Variants in ARID3B observed in about 807,000 individuals in gnomAD.
ARID3B encodes AT-rich interactive domain-containing protein 3B.
Under a neutral mutation model 51.9 loss-of-function variants are expected in ARID3B, and 10 were observed. That is an observed-to-expected ratio of 0.19 (90% CI 0.12 to 0.33). The LOEUF is 0.33. Ranked by LOEUF, ARID3B falls within the 10% of genes least tolerant of loss-of-function variation. The pLI is 1.00. For synonymous variants in ARID3B, 205 were observed against 279.5 expected, an observed-to-expected ratio of 0.73 and a Z score of 2.66; for missense variants, 483 against 716.3, an observed-to-expected ratio of 0.67 and a Z score of 3.72.
chr15:74,549,999 A>G (rs558302151), intron 2 of ARID3B, among the ~76,000 whole-genome samples: 139 of 152,402 alleles, frequency 9.1e-4, no homozygotes, highest in East Asian at 4.2e-3. Flanking sequence ...CAGAAAGAAC[A>G]TAAGCTTCGC....
At chr15:74,551,825 A>G (rs935395623) in intron 2 of ARID3B, among the ~76,000 whole-genome samples, 4 of 151,736 alleles carry the variant, frequency 2.6e-5, no homozygotes, top group African/African-American at 9.7e-5. Flanking sequence ...TTTACTCTTT[A>G]TTTCCATTTG....
chr15:74,589,265 G>A (rs546342424), intron 4 of ARID3B, among the ~76,000 whole-genome samples: 2 of 151,910 alleles, frequency 1.3e-5, no homozygotes, highest in South Asian at 2.1e-4. Flanking sequence ...TCCTGACCTC[G>A]TGATCTGCCC....
chr15:74,564,609 T>C (rs1408265678), intron 2 of ARID3B, among the ~76,000 whole-genome samples: 1 of 152,152 alleles, frequency 6.6e-6, no homozygotes, highest in African/African-American at 2.4e-5. Context: ...TTCTTTTTCT[T>C]TTTCTTTTTG....
At chr15:74,556,781 T>G (rs1431948016) in intron 2 of ARID3B, among the ~76,000 whole-genome samples, 16 of 146,352 alleles carry the variant, frequency 1.1e-4, no homozygotes, top group Middle Eastern at 3.4e-3. Flanking sequence ...TTTTTGTTTT[T>G]TTTTTTTTTT....
chr15:74,590,012 C>T lies in ARID3B; in HGVS notation c.881+9C>T. 6.2e-7 allele frequency: 1 copy of T among 1,600,962 alleles called. No homozygotes were observed. Among genetic ancestry groups the T allele is most frequent in the Non-Finnish European group, 8.5e-7 (1 of 1,171,894 alleles). ...TTCACCCTCAGGACGCAGTGAGTGG[C>T]CAGGGCCTGGGAGAAGGAAGCTGAG... On this transcript the variant is annotated intron_variant, in intron 5 of 8. Transcript: ENST00000346246.
Position 74,591,489 on chromosome 15 carries a change from C to T in ARID3B, c.1165+55C>T, listed in dbSNP as rs916407496. ...AAAGGGAGGAAGGGATGCCAGTTCCCTGTGTTCAAGACTGGGGTTTTGGGG... is the reference window on the plus strand; with the variant it reads ...AAAGGGAGGAAGGGATGCCAGTTCCTTGTGTTCAAGACTGGGGTTTTGGGG... On this transcript the variant is annotated intron_variant, in intron 6 of 8. Coordinates refer to ENST00000346246, the MANE Select transcript of ARID3B (RefSeq NM_006465.4). The surrounding 1 kb of genome is among the most constrained non-coding windows in gnomAD (Gnocchi z 5.8). 99 of 1,592,406 alleles carry T rather than the reference C, an allele frequency of 6.2e-5. No individual in the cohort carries two copies. The highest frequency in any genetic ancestry group is 8.5e-5 in the Admixed American group (5 of 58,994).
chr15:74,552,056 CTTTTTTTTTTTTT>C (rs869096001), intron 2 of ARID3B, among the ~76,000 whole-genome samples: 1 of 102,630 alleles, frequency 9.7e-6, no homozygotes, highest in African/African-American at 4.1e-5. Context: ...TCTTTCTTTC[CTTTTTTTTTTTTT>C]TTTTTTTTCT....
At chr15:74,551,606 C>T (rs1341049876) in intron 2 of ARID3B, among the ~76,000 whole-genome samples, 2 of 152,170 alleles carry the variant, frequency 1.3e-5, no homozygotes, top group African/African-American at 2.4e-5. Flanking sequence ...GCCTTTTCCA[C>T]GTTTACGCAT....
intron 4 of ARID3B, chr15:74,573,426 G>A: frequency 1.8e-6 from 1 of 570,072 alleles, no homozygotes; most frequent in Non-Finnish European, 3.1e-6. Flanking sequence ...TCCACTTTTG[G>A]CCCTGCCTGA....
At chr15:74,585,717 C>G (rs753530550) in intron 4 of ARID3B, among the ~76,000 whole-genome samples, 2 of 152,190 alleles carry the variant, frequency 1.3e-5, no homozygotes, top group African/African-American at 4.8e-5. Context: ...GGTTCTTGTT[C>G]AGCAGGTAAA....
At chr15:74,562,133 T>C (rs1405634686) in intron 2 of ARID3B, among the ~76,000 whole-genome samples, 4 of 151,916 alleles carry the variant, frequency 2.6e-5, no homozygotes, top group Admixed American at 2.6e-4. Context: ...TATTTTCTTT[T>C]CTTTTCTTTT....
chr15:74,553,446 C>T (rs145357281), intron 2 of ARID3B, among the ~76,000 whole-genome samples: 3 of 152,302 alleles, frequency 2.0e-5, no homozygotes, highest in East Asian at 3.9e-4. Flanking sequence ...TGCTGTACCC[C>T]ACAAGTTCTG....
At chr15:74,583,050 A>G (rs973809590) in intron 4 of ARID3B, among the ~76,000 whole-genome samples, 6 of 150,666 alleles carry the variant, frequency 4.0e-5, no homozygotes, top group Admixed American at 4.0e-4. Context: ...AAAAAAAAAA[A>G]TTAGCTGGAT....
chr15:74,589,917 C>A lies in ARID3B; in HGVS notation c.795C>A (p.Ile265=). ...LVTEKGGLVE[I]INKKIWREIT... ...CCGAGAAGGGAGGCCTGGTGGAGAT[C>A]ATCAACAAGAAGATCTGGAGGGAGA... Residue 265 remains isoleucine (I), a synonymous_variant, in exon 5 of 9, where the codon ATC becomes ATA. Transcript: ENST00000346246. The A allele has an allele frequency of 8.1e-6, 13 of 1,614,106 alleles. No individual in the cohort carries two copies. The highest frequency in any genetic ancestry group is 1.1e-5 in the Non-Finnish European group (13 of 1,180,010).
chr15:74,541,791 G>T (rs1317718664), intron 1 of ARID3B, among the ~76,000 whole-genome samples: 1 of 152,104 alleles, frequency 6.6e-6, no homozygotes, highest in Non-Finnish European at 1.5e-5. Flanking sequence ...TCAGCAGGCC[G>T]GGTTCAAAGC....
chr15:74,591,454 G>A lies in ARID3B; in HGVS notation c.1165+20G>A, dbSNP rs1847930259. The A allele has an allele frequency of 1.3e-6, 2 of 1,597,408 alleles. No homozygotes were observed. The highest frequency in any genetic ancestry group is 1.7e-6 in the Non-Finnish European group (2 of 1,167,772). ...GGAAAGGTCAGCAGGGCTCCTGGGG[G>A]AGAAGGAAGAAAGGGAGGAAGGGAT... is the stretch of plus-strand genomic sequence containing the variant. On this transcript the variant is annotated intron_variant, in intron 6 of 8. Coordinates refer to ENST00000346246, the MANE Select transcript of ARID3B (RefSeq NM_006465.4). This position sits in a 1 kb window ranked among gnomAD's most constrained non-coding sequence, Gnocchi z 5.8.
At chr15:74,563,967 T>A (rs142432370) in intron 2 of ARID3B, among the ~76,000 whole-genome samples, 2 of 152,218 alleles carry the variant, frequency 1.3e-5, no homozygotes, top group Non-Finnish European at 2.9e-5. Context: ...GCCCGCTTTC[T>A]ACAGCTTAAT....
At chr15:74,547,178 G>A (rs1376008624) in intron 2 of ARID3B, among the ~76,000 whole-genome samples, 1 of 96,384 alleles carries the variant, frequency 1.0e-5, no homozygotes, top group African/African-American at 4.1e-5. Flanking sequence ...CTCCCCCGCC[G>A]ACACAGAGCG....
At chr15:74,551,983 T>G (rs2061639001) in intron 2 of ARID3B, among the ~76,000 whole-genome samples, 1 of 151,852 alleles carries the variant, frequency 6.6e-6, no homozygotes, top group Admixed American at 6.6e-5. Flanking sequence ...TTGAATATTC[T>G]CTTCTTTTGC....
Sources: allele counts gnomAD v4.1 joint callset (sites outside exome capture counted in the v4.1 genomes callset), GRCh38; gene constraint gnomAD v4.1.1; non-coding constraint Gnocchi (gnomAD v3.1); transcripts MANE v1.5; gene names NCBI Gene and HGNC (gene_info 2026-07-23, HGNC 2026-07-21).